The following ING5 variants were observed in gnomAD, a reference collection of about 807,000 sequenced individuals.
ING5 encodes inhibitor of growth family member 5.
ING5 carries 17 observed loss-of-function variants against 37.4 expected under a neutral mutation model. The ratio of observed to expected loss-of-function variants is 0.45; its 90% CI spans 0.31 to 0.68. ING5 has a LOEUF of 0.68. Among genes scored for constraint, ING5 ranks in the 30% least tolerant of loss-of-function variants. The pLI, the probability that ING5 is intolerant of heterozygous loss-of-function variation, is 0.05. For missense variants in ING5, 233 were observed against 311.9 expected (o/e 0.75, Z 1.91); for synonymous variants, 123 against 116.6 (o/e 1.06, Z -0.36).
At chr2:241,723,465 C>T (rs1022479263) in intron 7 of ING5, among the ~76,000 whole-genome samples, 194 bp downstream of exon 7, 1 of 152,230 alleles carries the variant, frequency 6.6e-6, no homozygotes, top group Non-Finnish European at 1.5e-5. Flanking sequence ...TTTATCCCCC[C>T]TTTGCTGCTG....
intron 1 of ING5, among the ~76,000 whole-genome samples, chr2:241,702,572 G>A (rs778511657): frequency 2.8e-4 from 42 of 151,982 alleles, no homozygotes; most frequent in Non-Finnish European, 5.0e-4. Context: ...GCCCGTGTGC[G>A]CCGGCCTCTT....
In ING5 at chr2:241,719,654, G is replaced by C. The variant is rs915907044; in HGVS notation, c.483-3285G>C. The C allele has an allele frequency of 9.1e-6, 14 of 1,534,954 alleles. 1 individual carries two copies. Among genetic ancestry groups the C allele is most frequent in the Middle Eastern group, 3.3e-4 (2 of 5,978 alleles). On this transcript the variant is annotated intron_variant, in intron 5 of 7. Transcript: ENST00000313552. ...GAATGCAGGCACTGGGGGTCCTCGT[G>C]GGGGTGAAGGAGACTCCAGCTCCCT...
intron 2 of ING5, among the ~76,000 whole-genome samples, chr2:241,706,539 G>T (rs1402039651): frequency 6.9e-6 from 1 of 145,328 alleles, no homozygotes; most frequent in Non-Finnish European, 1.5e-5. Flanking sequence ...TGAGGCAGGA[G>T]AATCACTTGA....
At chr2:241,690,970 G>C (rs1446793086) in intron 2 of ING5, among the ~76,000 whole-genome samples, 1 of 151,314 alleles carries the variant, frequency 6.6e-6, no homozygotes, top group Non-Finnish European at 1.5e-5. Context: ...ACAACACCCG[G>C]CTAATTTTTT....
At position 241,727,365 on chromosome 2, in the gene ING5, A is replaced by G; in HGVS notation, c.*2334A>G. The G allele has an allele frequency of 6.6e-6, 1 of 152,234 alleles. No individual in the cohort carries two copies. The highest frequency in any genetic ancestry group is 6.5e-5 in the Admixed American group (1 of 15,282). The allele number at this position is 152,234 out of a possible 1,614,324, so 9.4% of individuals were successfully genotyped here. A position where few individuals can be genotyped will look rare whatever the true frequency, so the allele number is the denominator to read the frequency against. ...GTTTTGCTCTGTCACCCAGGCTGGA[A>G]TGCAATGGCACCATCTTGGCTCACT... On this transcript the variant is annotated 3_prime_UTR_variant, in exon 8 of 8. Coordinates refer to ENST00000313552, the MANE Select transcript of ING5 (RefSeq NM_032329.6).
upstream of ING5, among the ~76,000 whole-genome samples, chr2:241,700,511 A>AGT (rs2069699870): frequency 6.6e-6 from 1 of 151,756 alleles, no homozygotes; most frequent in African/African-American, 2.4e-5. Context: ...GCTGGAGTGC[A>AGT]GTGGTGCAAT....
chr2:241,701,481 G>C (rs1443559042), upstream of ING5, among the ~76,000 whole-genome samples: 1 of 152,176 alleles, frequency 6.6e-6, no homozygotes, highest in African/African-American at 2.4e-5. Flanking sequence ...GGGGAAGGGC[G>C]CCAGGGCCCA....
At chr2:241,724,890 C>T (rs1462959684) in intron 7 of ING5, 99 bp from the exon 8 acceptor site, 2 of 1,273,780 alleles carry the variant, frequency 1.6e-6, no homozygotes, top group Non-Finnish European at 1.1e-6. Context: ...CTCCTGCCGG[C>T]GTCCAGCAGC....
At chr2:241,722,016 C>T (rs1160036068) in intron 5 of ING5, 8 of 985,226 alleles carry the variant, frequency 8.1e-6, no homozygotes, top group Non-Finnish European at 9.6e-6. Context: ...GCCAGGTGGA[C>T]AGCTGGGTGG....
intron 5 of ING5, chr2:241,721,988 G>A (rs2070447196): frequency 1.0e-6 from 1 of 985,254 alleles, no homozygotes; most frequent in African/African-American, 1.7e-5. Flanking sequence ...GATGGTGTGT[G>A]GTCGGAAGGG....
At chr2:241,720,275 G>C in intron 5 of ING5, 17 of 1,229,494 alleles carry the variant, frequency 1.4e-5, no homozygotes, top group Non-Finnish European at 1.7e-5. Context: ...CAGCACAGTG[G>C]GTATTCACGC....
At chr2:241,695,453 C>T (rs2069617141) in intron 2 of ING5, among the ~76,000 whole-genome samples, 1 of 152,142 alleles carries the variant, frequency 6.6e-6, no homozygotes, top group Non-Finnish European at 1.5e-5. Flanking sequence ...TTTGGGAGGC[C>T]AAGGTGGGTG....
rs1040846562 is a variant in ING5, at chr2:241,691,918, C to T, written c.43+1265C>T. Among the ~76,000 whole-genome samples the T allele has an allele frequency of 2.6e-5, 4 of 152,102 alleles. No homozygotes were observed. In the East Asian group the frequency reaches 5.8e-4, roughly 22 times the overall value. On this transcript the variant is annotated intron_variant, in intron 2 of 7. Coordinates refer to the ING5 transcript ENST00000636051. ...TATCTCTACAAAATAAATAGGTGGGCGTGCCTATAGTCCCAGCTACTTGGG... is the reference window on the plus strand; with the variant it reads ...TATCTCTACAAAATAAATAGGTGGGTGTGCCTATAGTCCCAGCTACTTGGG...
chr2:241,692,861 C>CT (rs1307962418), intron 2 of ING5, among the ~76,000 whole-genome samples: 1 of 152,144 alleles, frequency 6.6e-6, no homozygotes, highest in Non-Finnish European at 1.5e-5. Context: ...TTGTTAAACT[C>CT]TTTCTCTGCT....
At chr2:241,712,397 T>A (rs968027103) in intron 5 of ING5, 1 of 258,872 alleles carries the variant, frequency 3.9e-6, no homozygotes, top group African/African-American at 2.2e-5. Context: ...AGGAGGATGG[T>A]GAGCAACGTG....
At position 241,722,801 on chromosome 2, in the gene ING5, A is replaced by G; in HGVS notation, c.483-138A>G. The G allele has an allele frequency of 2.7e-6, 4 of 1,504,850 alleles. No homozygotes were observed. The South Asian group carries it at 5.1e-5, about 19-fold the overall frequency. The allele number at this position is 1,504,850 out of a possible 1,614,324, so 93.2% of individuals were successfully genotyped here. ...TATGTGTCGCTCAGAGCACGGTACC[A>G]ATTTCCCCCTTGGAATGATTGTCTT... On this transcript the variant is annotated intron_variant, in intron 5 of 7. Transcript: ENST00000313552.
At position 241,729,038 on chromosome 2, in the gene ING5, C is replaced by G. The variant is rs947964898; in HGVS notation, c.*4007C>G. 6.6e-6 allele frequency: 1 copy of G among 152,250 alleles called. No homozygotes were observed. The highest frequency in any genetic ancestry group is 2.4e-5 in the African/African-American group (1 of 41,446). The allele number at this position is 152,250 out of a possible 1,614,324, so 9.4% of individuals were successfully genotyped here. A position where few individuals can be genotyped will look rare whatever the true frequency, so the allele number is the denominator to read the frequency against. On this transcript the variant is annotated 3_prime_UTR_variant, in exon 8 of 8. Transcript: ENST00000313552. ...ACATGACCCCAGAGCCGAGGGTCTGCCCTGTCCTAGGTTAGGTCTTCATGG... is the reference window on the plus strand; with the variant it reads ...ACATGACCCCAGAGCCGAGGGTCTGGCCTGTCCTAGGTTAGGTCTTCATGG...
intron 2 of ING5, among the ~76,000 whole-genome samples, chr2:241,695,034 G>T (rs888708963): frequency 6.8e-6 from 1 of 147,006 alleles, no homozygotes; most frequent in African/African-American, 2.6e-5. Context: ...AAAAGGACTG[G>T]TAAGACAATG....
intron 1 of ING5, among the ~76,000 whole-genome samples, chr2:241,704,441 G>A (rs535631128): frequency 1.9e-4 from 29 of 152,270 alleles, no homozygotes; most frequent in South Asian, 1.7e-3. Flanking sequence ...GGTGGCATGT[G>A]CCTGTAATCC....
Sources: allele counts gnomAD v4.1 joint callset (sites outside exome capture counted in the v4.1 genomes callset), GRCh38; gene constraint gnomAD v4.1.1; transcripts MANE v1.5; gene names NCBI Gene and HGNC (gene_info 2026-07-23, HGNC 2026-07-21).